C8orf34: variants seen among roughly 807,000 people sequenced by gnomAD.
C8orf34 encodes the protein chromosome 8 open reading frame 34.
C8orf34 carries 65 observed loss-of-function variants against 68.3 expected under a neutral mutation model. That is an observed-to-expected ratio of 0.95 (90% CI 0.78 to 1.17). The LOEUF is 1.17. Ranked by LOEUF, C8orf34 falls within the 50% of genes most tolerant of loss-of-function variation. The pLI is 0.00. For missense variants in C8orf34, 664 were observed against 655.4 expected, an observed-to-expected ratio of 1.01 and a Z score of -0.14; for synonymous variants, 244 against 241.2, an observed-to-expected ratio of 1.01 and a Z score of -0.11.
At chr8:68,585,504 T>C (rs993123026) in intron 7 of C8orf34, among the ~76,000 whole-genome samples, 1 of 152,184 alleles carries the variant, frequency 6.6e-6, no homozygotes, top group South Asian at 2.1e-4. Context: ...CTGTCACTTA[T>C]GATATTAGTT....
At chr8:68,771,468 T>C (rs191052153) in intron 10 of C8orf34, among the ~76,000 whole-genome samples, 2 of 152,282 alleles carry the variant, frequency 1.3e-5, no homozygotes, top group East Asian at 3.9e-4. Context: ...GATATCTCTG[T>C]ATCTGAAGAT....
At chr8:68,783,022 T>C (rs571260634) in intron 11 of C8orf34, among the ~76,000 whole-genome samples, 1 of 150,378 alleles carries the variant, frequency 6.6e-6, no homozygotes, top group Non-Finnish European at 1.5e-5. Flanking sequence ...CAGTGTGCCA[T>C]GTTTGTGTCA....
At chr8:68,432,076 C>T (rs1477617631) in intron 1 of C8orf34, among the ~76,000 whole-genome samples, 1 of 151,986 alleles carries the variant, frequency 6.6e-6, no homozygotes, top group African/African-American at 2.4e-5. Context: ...GCCTATAGAG[C>T]TGTGGATGTG....
intron 3 of C8orf34, chr8:68,447,158 GAGAT>G (rs1255105576): frequency 6.6e-6 from 1 of 152,566 alleles, no homozygotes; most frequent in Non-Finnish European, 1.5e-5. Flanking sequence ...GAAGGAGAAA[GAGAT>G]AGCAGAGGGA....
At chr8:68,443,034 C>T (rs1320724386) in intron 2 of C8orf34, among the ~76,000 whole-genome samples, 1 of 152,118 alleles carries the variant, frequency 6.6e-6, no homozygotes, top group Non-Finnish European at 1.5e-5. Context: ...ATCATAGAAG[C>T]AACACTGAAC....
intron 7 of C8orf34, among the ~76,000 whole-genome samples, chr8:68,539,955 T>C (rs1406559383): frequency 6.6e-6 from 1 of 152,156 alleles, no homozygotes; most frequent in African/African-American, 2.4e-5. Flanking sequence ...AATGGCAGCT[T>C]TTATGAGGTT....
intron 6 of C8orf34, chr8:68,525,722 A>C: frequency 1.5e-6 from 1 of 647,054 alleles, no homozygotes; most frequent in Non-Finnish European, 2.9e-6. Flanking sequence ...TGTGAGGTTC[A>C]CAACAATCTT....
chr8:68,599,871 GAC>G (rs984366581), intron 7 of C8orf34, among the ~76,000 whole-genome samples: 1 of 151,836 alleles, frequency 6.6e-6, no homozygotes, highest in Admixed American at 6.6e-5. Flanking sequence ...TGTGTATACA[GAC>G]ACACACACAA....
chr8:68,388,033 G>A (rs1331362896), intron 1 of C8orf34, among the ~76,000 whole-genome samples: 1 of 152,110 alleles, frequency 6.6e-6, no homozygotes, highest in African/African-American at 2.4e-5. Context: ...AGTGGTTCTT[G>A]ATTGCCTTCT....
intron 1 of C8orf34, among the ~76,000 whole-genome samples, chr8:68,332,961 C>A (rs1052925344): frequency 2.0e-5 from 3 of 152,072 alleles, no homozygotes; most frequent in Non-Finnish European, 4.4e-5. Flanking sequence ...CCTTCTGCAA[C>A]GCAGTGTATT....
intron 10 of C8orf34, among the ~76,000 whole-genome samples, chr8:68,739,165 C>A (rs768835806): frequency 6.6e-6 from 1 of 152,076 alleles, no homozygotes; most frequent in Non-Finnish European, 1.5e-5. Context: ...TGTGGTTCAT[C>A]ACATAAACAG....
intron 7 of C8orf34, among the ~76,000 whole-genome samples, chr8:68,571,018 A>T (rs1380856945): frequency 6.6e-6 from 1 of 152,192 alleles, no homozygotes; most frequent in Non-Finnish European, 1.5e-5. Context: ...CATGAAGCTG[A>T]TGGAAGGAGC....
At chr8:68,360,918 C>T (rs530651471) in intron 1 of C8orf34, among the ~76,000 whole-genome samples, 1 of 151,650 alleles carries the variant, frequency 6.6e-6, no homozygotes, top group South Asian at 2.1e-4. Context: ...CCACCCCCTG[C>T]GAATTTTTGT....
intron 7 of C8orf34, among the ~76,000 whole-genome samples, chr8:68,538,329 G>T (rs1171688178): frequency 3.3e-5 from 5 of 152,072 alleles, no homozygotes; most frequent in African/African-American, 1.2e-4. Flanking sequence ...CCCAGGTCTA[G>T]ACCTCATGCT....
intron 10 of C8orf34, among the ~76,000 whole-genome samples, chr8:68,772,619 A>T (rs565209685): frequency 6.6e-5 from 10 of 151,852 alleles, no homozygotes; most frequent in South Asian, 6.2e-4. Flanking sequence ...TATATTAAAA[A>T]CTCACAATAA....
At chr8:68,790,604 AG>A (rs1823967260) in intron 12 of C8orf34, among the ~76,000 whole-genome samples, 1 of 151,320 alleles carries the variant, frequency 6.6e-6, no homozygotes, top group Admixed American at 6.6e-5. Flanking sequence ...ACTTTTTATA[AG>A]CAAGATAAGC....
intron 5 of C8orf34, among the ~76,000 whole-genome samples, chr8:68,490,461 G>A (rs754532247): frequency 6.6e-5 from 10 of 152,072 alleles, no homozygotes; most frequent in Non-Finnish European, 8.8e-5. Context: ...ACCCAGTTAA[G>A]TGTCAGCCTC....
chr8:68,577,122 C>T (rs1391959513), intron 7 of C8orf34, among the ~76,000 whole-genome samples: 1 of 151,984 alleles, frequency 6.6e-6, no homozygotes, highest in African/African-American at 2.4e-5. Context: ...ACTCTCTTAG[C>T]TTTGTGCCGT....
rs560123809 is a variant in C8orf34, at chr8:68,771,404, G to A, written c.1405-4995G>A. Among the ~76,000 whole-genome samples, 3 of 152,130 alleles carry A rather than the reference G, an allele frequency of 2.0e-5. No homozygotes were observed. The South Asian group carries it at 6.2e-4, about 31-fold the overall frequency. ...AACACAACATGTAGCCATCATATTA[G>A]CAGCTGCATTACAGGAAATTATAGT... On this transcript the variant is annotated intron_variant, in intron 10 of 13. Coordinates refer to ENST00000518698, the MANE Select transcript of C8orf34 (RefSeq NM_052958.4).
Sources: gnomAD v4.1 joint callset for allele counts (sites outside exome capture counted in the v4.1 genomes callset) on GRCh38, gnomAD v4.1.1 for gene constraint, MANE v1.5 for transcripts, NCBI Gene and HGNC (gene_info 2026-07-23, HGNC 2026-07-21) for gene names.